The following XRN2 variants were observed in gnomAD, a reference collection of about 807,000 sequenced individuals.
XRN2 encodes the protein DHM1-like protein.
Under a neutral mutation model 138.5 loss-of-function variants are expected in XRN2, and 44 were observed. The observed-to-expected ratio is 0.32, with a 90% CI of 0.25 to 0.41. The LOEUF (loss-of-function observed/expected upper bound fraction) is 0.41, where lower values mean the gene tolerates loss of function less well. Ranked by LOEUF, XRN2 falls within the 10% of genes least tolerant of loss-of-function variation. The pLI, the probability that XRN2 is intolerant of heterozygous loss-of-function variation, is 1.00. For missense variants in XRN2, 937 were observed against 1,169.3 expected (o/e 0.80, Z 2.90); for synonymous variants, 354 against 369.4 (o/e 0.96, Z 0.48).
intron 15 of XRN2, among the ~76,000 whole-genome samples, chr20:21,341,953 C>T (rs1162406782): frequency 6.6e-6 from 1 of 152,008 alleles, no homozygotes; most frequent in South Asian, 2.1e-4. Context: ...TAGTATTAGG[C>T]CACAGGACCA....
In XRN2 at chr20:21,330,634, A is replaced by G; in HGVS notation, c.505A>G (p.Asn169Asp). The G allele has an allele frequency of 6.2e-7, 1 of 1,613,732 alleles. No individual in the cohort carries two copies. Among genetic ancestry groups the G allele is most frequent in the Non-Finnish European group, 8.5e-7 (1 of 1,179,958 alleles). Residue 169 changes from asparagine to aspartate, a missense_variant, in exon 6 of 30, where the codon AAT (asparagine) becomes GAT (aspartate). Asn to Asp is a conservative substitution (Grantham distance 23). Coordinates refer to ENST00000377191, the MANE Select transcript of XRN2 (RefSeq NM_012255.5). ...CITPGTEFMD[N>D]LAKCLRYYIA... ...ATTTTAGGGAACTGAATTCATGGAC[A>G]ATCTTGCTAAATGCCTTCGCTATTA...
At position 21,362,383 on chromosome 20, in the gene XRN2, A is replaced by G. The variant is rs2038647287; in HGVS notation, c.2256-3038A>G. 3.3e-5 allele frequency among the ~76,000 whole-genome samples: 5 copies of G among 151,584 alleles called. No homozygotes were observed. The South Asian group carries it at 1.0e-3, about 32-fold the overall frequency. ...GCTTATTACCTTGGCTATTTCCTTC[A>G]TTTTCTTAGTTTCAGGTCTTTCTGT... On this transcript the variant is annotated intron_variant, in intron 24 of 29. Coordinates refer to ENST00000377191, the MANE Select transcript of XRN2 (RefSeq NM_012255.5).
chr20:21,356,282 G>T, intron 22 of XRN2, 105 bp downstream of exon 22: 1 of 836,768 alleles, frequency 1.2e-6, no homozygotes, highest in Non-Finnish European at 1.8e-6. Flanking sequence ...TGGTTATTCT[G>T]TGGCATTAAG....
At chr20:21,334,369 A>G (rs769502421) in intron 13 of XRN2, among the ~76,000 whole-genome samples, 184 bp downstream of exon 13, 5 of 152,204 alleles carry the variant, frequency 3.3e-5, no homozygotes, top group Admixed American at 1.3e-4. Flanking sequence ...GCTCTGTGGA[A>G]CTATGTATTG....
intron 1 of XRN2, among the ~76,000 whole-genome samples, chr20:21,318,071 G>A (rs1468100384): frequency 2.0e-5 from 3 of 152,154 alleles, no homozygotes; most frequent in African/African-American, 7.2e-5. Flanking sequence ...CTTTTGGGTA[G>A]TTTGCGGATT....
intron 6 of XRN2, 24 bp from the exon 7 acceptor site, chr20:21,331,537 A>G: frequency 6.3e-7 from 1 of 1,590,078 alleles, no homozygotes; most frequent in East Asian, 2.2e-5. Context: ...GGATAATCTG[A>G]AAGTGTTAAC....
At chr20:21,303,927 C>T (rs2122146938) in intron 1 of XRN2, 1 of 909,020 alleles carries the variant, frequency 1.1e-6, no homozygotes, top group African/African-American at 1.8e-5. Flanking sequence ...TCCCTGGCGG[C>T]GACCTTTTCG....
chr20:21,331,681 G>C (rs767869622), intron 7 of XRN2, 48 bp downstream of exon 7: 2 of 1,597,704 alleles, frequency 1.3e-6, no homozygotes, highest in Non-Finnish European at 1.7e-6. Flanking sequence ...TTTTTAAAAA[G>C]CCATTGCATA....
At chr20:21,334,508 G>T (rs2038259132) in intron 13 of XRN2, among the ~76,000 whole-genome samples, 1 of 152,188 alleles carries the variant, frequency 6.6e-6, no homozygotes, top group South Asian at 2.1e-4. Context: ...GATTGAACTA[G>T]TGGCTGTCAT....
intron 27 of XRN2, among the ~76,000 whole-genome samples, chr20:21,369,288 AC>A (rs968908477): frequency 6.6e-6 from 1 of 152,156 alleles, no homozygotes; most frequent in African/African-American, 2.4e-5. Context: ...GTGTATATGT[AC>A]CACATTTTAT....
rs779383651 is a variant in XRN2, at chr20:21,326,417, C to G, written c.203+11C>G. 18 of 1,613,466 alleles carry G rather than the reference C, an allele frequency of 1.1e-5. No individual in the cohort carries two copies. The highest frequency in any genetic ancestry group is 1.4e-5 in the Non-Finnish European group (17 of 1,179,680). ...TCATCCTGAAGACAAGTACGTAACC[C>G]ATTTTTGTCACTGATATAGCAAATC... is the stretch of plus-strand genomic sequence containing the variant. On this transcript the variant is annotated intron_variant, in intron 2 of 29. Transcript: ENST00000377191.
rs150073071 is a variant in XRN2, at chr20:21,348,443, A to G, written c.1863+13A>G. The G allele has an allele frequency of 2.3e-4, 376 of 1,609,384 alleles. No individual in the cohort carries two copies. In the African/African-American group the frequency reaches 4.5e-3, roughly 19 times the overall value. ...CATGAGTGATCCTGTGAGTCTCAGT[A>G]TTTTGAGTGTGTGGGTGACAGGATT... is the stretch of plus-strand genomic sequence containing the variant. On this transcript the variant is annotated intron_variant, in intron 19 of 29. Transcript: ENST00000377191.
At chr20:21,339,747 A>G in intron 14 of XRN2, among the ~76,000 whole-genome samples, 1 of 152,114 alleles carries the variant, frequency 6.6e-6, no homozygotes, top group Non-Finnish European at 1.5e-5. Context: ...CCTTTCTTTT[A>G]ACTCTGGTGC....
intron 15 of XRN2, 73 bp from the exon 16 acceptor site, chr20:21,344,014 AGTG>A: frequency 9.9e-7 from 1 of 1,007,690 alleles, no homozygotes; most frequent in South Asian, 1.4e-5. Flanking sequence ...CATGGTAAGT[AGTG>A]GTGGTTGGAT....
chr20:21,361,936 G>C (rs1357463622), intron 24 of XRN2, among the ~76,000 whole-genome samples: 1 of 152,224 alleles, frequency 6.6e-6, no homozygotes, highest in African/African-American at 2.4e-5. Context: ...CATTTTAGGA[G>C]AGAGTGTGTC....
At chr20:21,318,096 T>TCC (rs2037984878) in intron 1 of XRN2, among the ~76,000 whole-genome samples, 1 of 152,224 alleles carries the variant, frequency 6.6e-6, no homozygotes, top group East Asian at 1.9e-4. Flanking sequence ...ATTTAATTGC[T>TCC]TTAACTTGTT....
chr20:21,347,740 GTCT>G (rs1465986405), intron 17 of XRN2, among the ~76,000 whole-genome samples: 1 of 152,168 alleles, frequency 6.6e-6, no homozygotes, highest in Non-Finnish European at 1.5e-5. Context: ...TTCCAATAAT[GTCT>G]CTAACCACCT....
intron 24 of XRN2, among the ~76,000 whole-genome samples, chr20:21,360,075 A>G (rs777584777): frequency 1.8e-4 from 27 of 152,162 alleles, no homozygotes; most frequent in Non-Finnish European, 3.2e-4. Flanking sequence ...AGTCAACTCT[A>G]ACCTAGGAGA....
At chr20:21,308,013 T>A (rs577828383) in intron 1 of XRN2, among the ~76,000 whole-genome samples, 2 of 75,746 alleles carry the variant, frequency 2.6e-5, no homozygotes, top group African/African-American at 3.6e-5. Flanking sequence ...CTCGGCTCAC[T>A]GCAACCTCCA....
Sources: gnomAD v4.1 joint callset for allele counts (sites outside exome capture counted in the v4.1 genomes callset) on GRCh38, gnomAD v4.1.1 for gene constraint, MANE v1.5 for transcripts, NCBI Gene and HGNC (gene_info 2026-07-23, HGNC 2026-07-21) for gene names.